MGAT4C: variants seen among roughly 807,000 people sequenced by gnomAD.
The protein encoded by MGAT4C is MGAT4 family member C, also known as alpha-1,3-mannosyl-glycoprotein 4-beta-N-acetylglucosaminyltransferase C.
Under a neutral mutation model 40.1 loss-of-function variants are expected in MGAT4C, and 19 were observed. That is an observed-to-expected ratio of 0.47 (90% CI 0.33 to 0.70). MGAT4C has a LOEUF of 0.70. Ranked by LOEUF, MGAT4C falls within the 30% of genes least tolerant of loss-of-function variation. The pLI, the probability that MGAT4C is intolerant of heterozygous loss-of-function variation, is 0.02. For synonymous variants in MGAT4C, 181 were observed against 187.1 expected, an observed-to-expected ratio of 0.97 and a Z score of 0.27; for missense variants, 491 against 563.2, an observed-to-expected ratio of 0.87 and a Z score of 1.30.
rs1357071153 is a variant in MGAT4C, at chr12:85,972,212, A to G, written c.*7077T>C. On this transcript the variant is annotated 3_prime_UTR_variant, in exon 5 of 5. Transcript: ENST00000611864. The stretch of plus-strand genomic sequence containing the variant: ...TGGGTAAAGATGCCACATGCAACAG[A>G]AAATGTGTCTAATTATGTTTGTTTT... The G allele has an allele frequency of 1.3e-5, 2 of 151,154 alleles. No homozygotes were observed. The highest frequency in any genetic ancestry group is 1.3e-4 in the Admixed American group (2 of 15,116). The allele number at this position is 151,154 out of a possible 1,614,324, so 9.4% of individuals were successfully genotyped here. A position where few individuals can be genotyped will look rare whatever the true frequency, so the allele number is the denominator to read the frequency against.
intron 2 of MGAT4C, among the ~76,000 whole-genome samples, chr12:86,576,378 G>T (rs1486680195): frequency 6.6e-6 from 1 of 151,650 alleles, no homozygotes; most frequent in African/African-American, 2.4e-5. Context: ...TTCTTGTGGG[G>T]TACTGCTCCA....
intron 1 of MGAT4C, among the ~76,000 whole-genome samples, chr12:86,145,342 G>A (rs1268165136): frequency 6.6e-6 from 1 of 152,050 alleles, no homozygotes; most frequent in African/African-American, 2.4e-5. Context: ...TACTTAATTT[G>A]TTGATAGCCT....
At chr12:86,767,940 C>T (rs1315970832) in intron 1 of MGAT4C, among the ~76,000 whole-genome samples, 1 of 152,134 alleles carries the variant, frequency 6.6e-6, no homozygotes, top group Non-Finnish European at 1.5e-5. Flanking sequence ...GGAAGCATTC[C>T]CTTTGAAAAC....
chr12:86,436,539 G>C (rs565783811), intron 2 of MGAT4C, among the ~76,000 whole-genome samples: 1 of 151,626 alleles, frequency 6.6e-6, no homozygotes, highest in African/African-American at 2.4e-5. Flanking sequence ...ACATTTTCAT[G>C]TTTAATTATT....
intron 2 of MGAT4C, among the ~76,000 whole-genome samples, chr12:86,497,918 G>A (rs7977257): frequency 0.66 from 91,834 of 138,856 alleles, 30,515 homozygotes; most frequent in South Asian, 0.8. Flanking sequence ...ATATATATAC[G>A]CACACACACA....
chr12:86,582,827 G>C (rs1960848167), intron 2 of MGAT4C, among the ~76,000 whole-genome samples: 1 of 151,100 alleles, frequency 6.6e-6, no homozygotes, highest in Non-Finnish European at 1.5e-5. Context: ...ATCCAGTAAT[G>C]GCAATAAAGG....
chr12:86,037,648 TGA>T, intron 2 of MGAT4C, among the ~76,000 whole-genome samples: 1 of 149,464 alleles, frequency 6.7e-6, no homozygotes, highest in East Asian at 1.9e-4. Context: ...CGCTGTGGTC[TGA>T]GAGAGTGTTT....
chr12:86,464,495 T>C (rs1957651453), intron 2 of MGAT4C, among the ~76,000 whole-genome samples: 1 of 152,136 alleles, frequency 6.6e-6, no homozygotes, highest in African/African-American at 2.4e-5. Flanking sequence ...TAACCATCTA[T>C]ATTCTCCACA....
chr12:86,792,654 G>A (rs140740895), intron 1 of MGAT4C, among the ~76,000 whole-genome samples: 260 of 152,194 alleles, frequency 1.7e-3, no homozygotes, highest in South Asian at 0.013. Context: ...GGTTGTGGCC[G>A]GGCGCAGTGG....
At chr12:86,268,442 T>A (rs1283742956) in intron 4 of MGAT4C, among the ~76,000 whole-genome samples, 3 of 151,896 alleles carry the variant, frequency 2.0e-5, no homozygotes, top group Non-Finnish European at 4.4e-5. Flanking sequence ...ACATGATATA[T>A]AAAGGATTTT....
chr12:86,664,127 A>G (rs1349334076), intron 2 of MGAT4C, among the ~76,000 whole-genome samples: 1 of 148,536 alleles, frequency 6.7e-6, no homozygotes, highest in Non-Finnish European at 1.5e-5. Flanking sequence ...GGCATTGCAC[A>G]GTCAATTTTT....
At chr12:86,110,752 G>A (rs1284382077) in intron 1 of MGAT4C, among the ~76,000 whole-genome samples, 1 of 151,566 alleles carries the variant, frequency 6.6e-6, no homozygotes, top group Non-Finnish European at 1.5e-5. Flanking sequence ...TTTGTTTATA[G>A]GATTTATAAT....
At chr12:86,203,337 A>T (rs1342703481) in intron 1 of MGAT4C, among the ~76,000 whole-genome samples, 2 of 152,146 alleles carry the variant, frequency 1.3e-5, no homozygotes, top group Non-Finnish European at 2.9e-5. Context: ...TGGCTCCAGT[A>T]CTGTATGACC....
At chr12:86,570,444 A>G (rs1436624752) in intron 2 of MGAT4C, among the ~76,000 whole-genome samples, 1 of 152,144 alleles carries the variant, frequency 6.6e-6, no homozygotes, top group East Asian at 1.9e-4. Flanking sequence ...CAAATGTCCT[A>G]AGAATGAACA....
chr12:86,439,940 C>G (rs1957199110), intron 2 of MGAT4C, among the ~76,000 whole-genome samples: 2 of 150,716 alleles, frequency 1.3e-5, no homozygotes, highest in Non-Finnish European at 2.9e-5. Flanking sequence ...AACAGAAATC[C>G]TGAACAGACC....
At chr12:86,479,734 G>A (rs774814180) in intron 2 of MGAT4C, among the ~76,000 whole-genome samples, 2 of 151,874 alleles carry the variant, frequency 1.3e-5, no homozygotes, top group Non-Finnish European at 2.9e-5. Flanking sequence ...TATAGAGCAA[G>A]AGTGGAGCCT....
chr12:86,625,552 G>A (rs1425581691), intron 2 of MGAT4C, among the ~76,000 whole-genome samples: 1 of 152,114 alleles, frequency 6.6e-6, no homozygotes, highest in African/African-American at 2.4e-5. Flanking sequence ...AGATAGGTCA[G>A]TTGAGATGAA....
chr12:86,304,597 ATGAGTT>A (rs1592673662), intron 4 of MGAT4C, among the ~76,000 whole-genome samples: 1 of 150,736 alleles, frequency 6.6e-6, no homozygotes, highest in African/African-American at 2.5e-5. Context: ...ATCCTATTCT[ATGAGTT>A]TAATTGTTAT....
intron 2 of MGAT4C, among the ~76,000 whole-genome samples, chr12:86,666,452 T>TC (rs1026697178): frequency 2.6e-5 from 4 of 152,200 alleles, no homozygotes; most frequent in Non-Finnish European, 5.9e-5. Flanking sequence ...CAACACTCTT[T>TC]CCTTAACATC....
Sources: allele counts gnomAD v4.1 joint callset (sites outside exome capture counted in the v4.1 genomes callset), GRCh38; gene constraint gnomAD v4.1.1; transcripts MANE v1.5; gene names NCBI Gene and HGNC (gene_info 2026-07-23, HGNC 2026-07-21).